Variants in SPACA3 observed in about 807,000 individuals in gnomAD.
The protein encoded by SPACA3 is sperm acrosome membrane-associated protein 3.
A neutral mutation model predicts 24.5 loss-of-function variants in SPACA3; 21 were observed. The observed-to-expected ratio is 0.86, with a 90% confidence interval of 0.61 to 1.24. The LOEUF (loss-of-function observed/expected upper bound fraction) is 1.24. Ranked by LOEUF, SPACA3 falls within the 50% of genes most tolerant of loss-of-function variation. SPACA3 has a pLI of 0.00. For missense variants in SPACA3, 278 were observed against 275.5 expected, an observed-to-expected ratio of 1.01 and a Z score of -0.06; for synonymous variants, 115 against 106.9, an observed-to-expected ratio of 1.08 and a Z score of -0.47.
At chr17:32,995,779 C>T (rs1598223825) in intron 2 of SPACA3, 62 bp downstream of exon 2, 5 of 1,532,116 alleles carry the variant, frequency 3.3e-6, no homozygotes, top group East Asian at 2.3e-5. Context: ...CTTTCCCTCC[C>T]TCTCTCCTTC....
At chr17:32,993,723 AG>A (rs1211389486) in intron 1 of SPACA3, among the ~76,000 whole-genome samples, 15 of 152,042 alleles carry the variant, frequency 9.9e-5, no homozygotes, top group Non-Finnish European at 2.1e-4. Context: ...GGGCGAGAAG[AG>A]GGGGAAAGAG....
Position 32,997,748 on chromosome 17 carries a change from C to T in SPACA3, c.618C>T (p.Leu206=), listed in dbSNP as rs1417781739. 1.2e-6 allele frequency: 2 copies of T among 1,614,236 alleles called. No individual in the cohort carries two copies. The highest frequency in any genetic ancestry group is 1.7e-6 in the Non-Finnish European group (2 of 1,180,050). Residue 206 remains leucine (L), a synonymous_variant, in exon 5 of 5, where the codon CTC becomes CTT. Transcript: ENST00000269053. ...GGCATCACTGCCAGGGAAAAGACCTCACTGAATGGGTGGATGGCTGTGACT... is the reference window on the plus strand; with the variant it reads ...GGCATCACTGCCAGGGAAAAGACCTTACTGAATGGGTGGATGGCTGTGACT... ...AWRHHCQGKD[L]TEWVDGCDF
rs201825625 is a variant in SPACA3 at position 32,997,758 on chromosome 17, G to A, written c.628G>A (p.Val210Met). ...HCQGKDLTEW[V>M]DGCDF The stretch of plus-strand genomic sequence containing the variant: ...CCAGGGAAAAGACCTCACTGAATGG[G>A]TGGATGGCTGTGACTTCTAGGATGG... Residue 210 changes from valine (V) to methionine (M), a missense_variant, in exon 5 of 5, where the codon GTG becomes ATG. Val to Met is a conservative substitution (Grantham distance 21). Transcript: ENST00000269053. 5.0e-6 allele frequency: 8 copies of A among 1,614,108 alleles called. No homozygotes were observed. The highest frequency in any genetic ancestry group is 6.8e-6 in the Non-Finnish European group (8 of 1,180,050).
Position 32,995,693 on chromosome 17 carries a change from T to C in SPACA3, c.319T>C (p.Tyr107His). ...RVLHDFGLDG[Y>H]RGYSLADWVC... ...GCTACATGACTTCGGGCTGGACGGA[T>C]ACCGGGGATACAGCCTGGCTGACTG... The change falls in exon 2 of 5, where the codon TAC (tyrosine) becomes CAC (histidine). Residue 107 changes from tyrosine to histidine, a missense_variant. Transcript: ENST00000269053. 6.2e-7 allele frequency: 1 copy of C among 1,613,726 alleles called. No homozygotes were observed. Among genetic ancestry groups the C allele is most frequent in the Non-Finnish European group, 8.5e-7 (1 of 1,179,650 alleles).
rs933251002 is a variant in SPACA3 at position 32,991,992 on chromosome 17, T to G, written c.34+20T>G. ...TGATCAGTGAGCCCCCTTTCCCTTC[T>G]TCCTGGGGCTGTTAACAGGGGCGCT... On this transcript the variant is annotated intron_variant, in intron 1 of 4. Coordinates refer to ENST00000269053, the MANE Select transcript of SPACA3 (RefSeq NM_173847.5). 6.2e-7 allele frequency: 1 copy of G among 1,613,398 alleles called. No individual in the cohort carries two copies. The highest frequency in any genetic ancestry group is 8.5e-7 in the Non-Finnish European group (1 of 1,179,850).
chr17:32,997,733 C>T lies in SPACA3; in HGVS notation c.603C>T (p.Cys201=), dbSNP rs1471557549. 4 of 1,614,202 alleles carry T rather than the reference C, an allele frequency of 2.5e-6. No homozygotes were observed. Among genetic ancestry groups the T allele is most frequent in the Non-Finnish European group, 3.4e-6 (4 of 1,180,026 alleles). Residue 201 remains cysteine (C), a synonymous_variant, in exon 5 of 5, where the codon TGC becomes TGT. Coordinates refer to ENST00000269053, the MANE Select transcript of SPACA3 (RefSeq NM_173847.5). ...LGYWEAWRHH[C]QGKDLTEWVD... is the part of the protein sequence containing the mutation. ...TCAGGGAGGCCTGGAGGCATCACTG[C>T]CAGGGAAAAGACCTCACTGAATGGG... is the stretch of plus-strand genomic sequence containing the variant.
chr17:32,995,413 G>A lies in SPACA3; in HGVS notation c.39G>A (p.Val13=), dbSNP rs749253014. 19 of 1,591,854 alleles carry A rather than the reference G, an allele frequency of 1.2e-5. No individual in the cohort carries two copies. The highest frequency in any genetic ancestry group is 5.1e-5 in the Admixed American group (3 of 58,790). The part of the protein sequence containing the change: ...SALRGAPLIR[V]HSSPVSSPSV... ...CTCTCCTCTCCCCTTTCCCAGGGGT[G>A]CACTCAAGCCCTGTTTCTTCTCCTT... Residue 13 remains valine, a synonymous_variant, in exon 2 of 5, where the codon GTG becomes GTA. Transcript: ENST00000269053.
chr17:32,997,337 GT>G, intron 3 of SPACA3, 107 bp from the exon 4 acceptor site: 1 of 794,330 alleles, frequency 1.3e-6, no homozygotes, highest in Non-Finnish European at 2.1e-6. Context: ...GTGTGTGTGT[GT>G]GTGTGTAGAG....
In SPACA3 at chr17:32,997,877, A is replaced by C; in HGVS notation, c.*99A>C. The C allele has an allele frequency of 7.9e-7, 1 of 1,260,496 alleles. No individual in the cohort carries two copies. The highest frequency in any genetic ancestry group is 1.2e-6 in the Non-Finnish European group (1 of 863,688). The allele number at this position is 1,260,496 out of a possible 1,614,324, so 78.1% of individuals were successfully genotyped here. ...GCGAATAAAGGATGGTTGAACGTGA[A>C]TATGGCTCTCAGCTCTCAGTGTGTC... On this transcript the variant is annotated 3_prime_UTR_variant, in exon 5 of 5. Coordinates refer to ENST00000269053, the MANE Select transcript of SPACA3 (RefSeq NM_173847.5).
chr17:32,995,730 C>T lies in SPACA3; in HGVS notation c.343+13C>T, dbSNP rs2091718208. ...AGCCTGGCTGACTGTGAGAACCCCT[C>T]TCCCTGGCGGGCCCTGACTTCCCCA... On this transcript the variant is annotated intron_variant, in intron 2 of 4. Coordinates refer to ENST00000269053, the MANE Select transcript of SPACA3 (RefSeq NM_173847.5). The T allele has an allele frequency of 1.2e-6, 2 of 1,606,450 alleles. No individual in the cohort carries two copies. Among genetic ancestry groups the T allele is most frequent in the East Asian group, 2.2e-5 (1 of 44,672 alleles).
rs1369651629 is a variant in SPACA3, at chr17:32,993,055, A to G, written c.34+1083A>G. On this transcript the variant is annotated intron_variant, in intron 1 of 4. Transcript: ENST00000269053. ...CTCTCGGAGGGAAGGTGGAATCCAC[A>G]GGACATTGGGACTGATTGGTTGGAA... The G allele has an allele frequency of 6.9e-6, 3 of 435,686 alleles. No individual in the cohort carries two copies. In the Admixed American group the frequency reaches 8.1e-5, roughly 12 times the overall value. The allele number at this position is 435,686 out of a possible 1,614,324, so 27.0% of individuals were successfully genotyped here.
At position 32,995,698 on chromosome 17, in the gene SPACA3, G is replaced by C. The variant is rs764929193; in HGVS notation, c.324G>C (p.Arg108=). Residue 108 remains arginine (R), a synonymous_variant, in exon 2 of 5, where the codon CGG becomes CGC. Coordinates refer to ENST00000269053, the MANE Select transcript of SPACA3 (RefSeq NM_173847.5). ...ATGACTTCGGGCTGGACGGATACCG[G>C]GGATACAGCCTGGCTGACTGTGAGA... is the stretch of plus-strand genomic sequence containing the variant. The part of the protein sequence containing the change: ...VLHDFGLDGY[R]GYSLADWVCL... 1 of 1,613,626 alleles carries C rather than the reference G, an allele frequency of 6.2e-7. No individual in the cohort carries two copies. The highest frequency in any genetic ancestry group is 1.1e-5 in the South Asian group (1 of 91,062).
chr17:32,997,554 G>A, intron 4 of SPACA3, 31 bp downstream of exon 4: 3 of 1,602,622 alleles, frequency 1.9e-6, no homozygotes, highest in Non-Finnish European at 8.5e-7. Flanking sequence ...CCCCGCAGCG[G>A]TGGTATGGTT....
At chr17:32,997,332 T>TGC in intron 3 of SPACA3, 113 bp from the exon 4 acceptor site, 1 of 778,126 alleles carries the variant, frequency 1.3e-6, no homozygotes, top group African/African-American at 2.2e-5. Context: ...TGTGTGTGTG[T>TGC]GTGTGTGTGT....
Position 32,991,943 on chromosome 17 carries a change from T to C in SPACA3, c.5T>C (p.Val2Ala). ...GCTGCTGCTGCCATTGTCACCATGG[T>C]CTCAGCTCTGCGGGGAGCACCCCTG... is the stretch of plus-strand genomic sequence containing the variant. M[V>A]SALRGAPLIR... The change falls in exon 1 of 5, where the codon GTC becomes GCC. Residue 2 changes from valine (V) to alanine (A), a missense_variant. Val to Ala is a moderately conservative substitution (Grantham distance 64). Transcript: ENST00000269053. 1.9e-6 allele frequency: 3 copies of C among 1,613,968 alleles called. No homozygotes were observed. The South Asian group carries it at 3.3e-5, about 18-fold the overall frequency.
chr17:32,993,821 G>GAGCA (rs1236379336), intron 1 of SPACA3, among the ~76,000 whole-genome samples: 1 of 152,100 alleles, frequency 6.6e-6, no homozygotes, highest in Non-Finnish European at 1.5e-5. Flanking sequence ...GGGGAAGGAG[G>GAGCA]AGCAGGAGGG....
chr17:32,997,465 A>T lies in SPACA3; in HGVS notation c.523A>T (p.Lys175Ter), dbSNP rs367992093. The T allele has an allele frequency of 3.7e-6, 6 of 1,613,840 alleles. No individual in the cohort carries two copies. The African/African-American group carries it at 8.0e-5, about 22-fold the overall frequency. ...YCSDLLNPNL[K>*]DTVICAMKIT... ...CCCAGATTTGTTGAATCCTAATCTC[A>T]AGGATACCGTTATCTGTGCCATGAA... Residue 175 changes from lysine (K) to a stop codon, truncating the protein, a stop_gained, in exon 4 of 5, where the codon AAG becomes TAG. Coordinates refer to ENST00000269053, the MANE Select transcript of SPACA3 (RefSeq NM_173847.5). LOFTEE classifies it high-confidence loss of function.
Position 32,996,712 on chromosome 17 carries a change from G to GC in SPACA3, c.344-130dup, listed in dbSNP as rs2151128921. 2.9e-6 allele frequency: 3 copies of GC among 1,051,476 alleles called. No homozygotes were observed. In the South Asian group the frequency reaches 1.1e-4, roughly 38 times the overall value. 65.1% of individuals were successfully genotyped at this position (1,051,476 alleles called of 1,614,324 possible). A position where few individuals can be genotyped will look rare whatever the true frequency, so the allele number is the denominator to read the frequency against. Reference sequence around the variant, plus strand: ...GATTGGTTTGCAAAGCAGGTGGGAGGCACCTGCCCCAATCACCTTGATCAG... The same window carrying GC: ...GATTGGTTTGCAAAGCAGGTGGGAGGCCACCTGCCCCAATCACCTTGATCAG... On this transcript the variant is annotated intron_variant, in intron 2 of 4. Coordinates refer to ENST00000269053, the MANE Select transcript of SPACA3 (RefSeq NM_173847.5).
intron 3 of SPACA3, 101 bp from the exon 4 acceptor site, chr17:32,997,344 T>C: frequency 1.7e-6 from 1 of 602,096 alleles, no homozygotes; most frequent in East Asian, 3.0e-5. Context: ...TGTGTGTGTG[T>C]AGAGAGAGAG....
Sources: allele counts gnomAD v4.1 joint callset (sites outside exome capture counted in the v4.1 genomes callset), GRCh38; gene constraint gnomAD v4.1.1; transcripts MANE v1.5; gene names NCBI Gene and HGNC (gene_info 2026-07-23, HGNC 2026-07-21).